Variants in GRAMD2A observed in about 807,000 individuals in gnomAD.
GRAMD2A encodes GRAM domain containing 2A.
GRAMD2A carries 37 observed loss-of-function variants against 51.1 expected under a neutral mutation model. The observed-to-expected ratio is 0.72, with a 90% CI of 0.56 to 0.95. The LOEUF (loss-of-function observed/expected upper bound fraction) is 0.95, where lower values mean the gene tolerates loss of function less well. Ranked by LOEUF, GRAMD2A falls within the 40% of genes least tolerant of loss-of-function variation. GRAMD2A has a pLI of 0.00. For synonymous variants in GRAMD2A, 136 were observed against 157.1 expected, an observed-to-expected ratio of 0.87 and a Z score of 1.01; for missense variants, 414 against 426.9, an observed-to-expected ratio of 0.97 and a Z score of 0.27.
At chr15:72,175,450 G>T (rs748356724) in intron 1 of GRAMD2A, among the ~76,000 whole-genome samples, 1 of 152,090 alleles carries the variant, frequency 6.6e-6, no homozygotes, top group Non-Finnish European at 1.5e-5. Context: ...CAGCCTCATC[G>T]CCCGTCATTC....
At chr15:72,190,362 G>C (rs1332847233) in intron 1 of GRAMD2A, among the ~76,000 whole-genome samples, 1 of 152,108 alleles carries the variant, frequency 6.6e-6, no homozygotes, top group Non-Finnish European at 1.5e-5. Context: ...CTGGGCGACA[G>C]AGTGAGATTC....
intron 1 of GRAMD2A, among the ~76,000 whole-genome samples, chr15:72,185,594 A>G (rs956288174): frequency 2.6e-5 from 4 of 152,270 alleles, no homozygotes; most frequent in African/African-American, 9.6e-5. Context: ...GAGCAAGAAA[A>G]TTTTGAAAAA....
intron 1 of GRAMD2A, among the ~76,000 whole-genome samples, chr15:72,174,183 A>G (rs973646634): frequency 3.3e-5 from 5 of 152,156 alleles, no homozygotes; most frequent in Non-Finnish European, 7.4e-5. Flanking sequence ...ACGAATGAAA[A>G]TAAAGAAATG....
chr15:72,180,175 T>C (rs947677978), intron 1 of GRAMD2A, among the ~76,000 whole-genome samples: 2 of 152,180 alleles, frequency 1.3e-5, no homozygotes, highest in Non-Finnish European at 2.9e-5. Context: ...GCTTTCCTCC[T>C]GGGGATATCC....
chr15:72,165,263 C>T, intron 8 of GRAMD2A, 91 bp downstream of exon 8: 1 of 1,156,152 alleles, frequency 8.6e-7, no homozygotes, highest in Non-Finnish European at 1.3e-6. Flanking sequence ...TGCCCCAGTT[C>T]TGCATTGTGG....
intron 1 of GRAMD2A, among the ~76,000 whole-genome samples, chr15:72,171,824 C>G (rs2081612408): frequency 7.1e-6 from 1 of 140,942 alleles, no homozygotes; most frequent in Non-Finnish European, 1.5e-5. Context: ...TAAATTTTTT[C>G]TGGCTTTTTT....
At chr15:72,190,409 T>C (rs145665028) in intron 1 of GRAMD2A, among the ~76,000 whole-genome samples, 3,342 of 152,130 alleles carry the variant, frequency 0.022, 83 homozygotes, top group Admixed American at 0.071. Context: ...AATACCTAAA[T>C]GGACCACCTT....
At chr15:72,164,685 G>C (rs776024992) in intron 8 of GRAMD2A, among the ~76,000 whole-genome samples, 1 of 152,014 alleles carries the variant, frequency 6.6e-6, no homozygotes, top group African/African-American at 2.4e-5. Flanking sequence ...GATTACAGGC[G>C]TGAGCCACCA....
At chr15:72,176,854 CTTTT>C (rs60618044) in intron 1 of GRAMD2A, among the ~76,000 whole-genome samples, 2 of 72,166 alleles carry the variant, frequency 2.8e-5, no homozygotes, top group Non-Finnish European at 5.3e-5. Context: ...ACCTGCAGTG[CTTTT>C]TTTTTTTTTT....
rs771141534 is a variant in GRAMD2A, at chr15:72,169,900, A to T, written c.81T>A (p.Ser27Arg). ...QMHRKTASLNSPVSCKEKPDR... is the reference protein window; with the variant it reads ...QMHRKTASLNRPVSCKEKPDR... The stretch of plus-strand genomic sequence containing the variant: ...CTGGTTTCTCTTTGCAGGACACAGG[A>T]CTGTTCAGAGAAGCTGTCTTTCTGT... Residue 27 changes from serine to arginine, a missense_variant, in exon 2 of 12, where the codon AGT becomes AGA. Physicochemically the swap from Ser to Arg is moderately radical, Grantham distance 110. Transcript: ENST00000309731. 3.1e-5 allele frequency: 50 copies of T among 1,614,020 alleles called. No individual in the cohort carries two copies. In the South Asian group the frequency reaches 4.9e-4, roughly 16 times the overall value.
In GRAMD2A at chr15:72,161,784, T is replaced by C; in HGVS notation, c.*225A>G. The C allele has an allele frequency of 1.8e-6, 1 of 547,442 alleles. No individual in the cohort carries two copies. The highest frequency in any genetic ancestry group is 2.2e-5 in the South Asian group (1 of 45,540). 33.9% of individuals were successfully genotyped at this position (547,442 alleles called of 1,614,324 possible). ...GTTGGTTCCAAAAAATCTGGCTTTTTGCTTGAGTCCAAAAATTGTAGAAGC... is the reference window on the plus strand; with the variant it reads ...GTTGGTTCCAAAAAATCTGGCTTTTCGCTTGAGTCCAAAAATTGTAGAAGC... On this transcript the variant is annotated 3_prime_UTR_variant, in exon 12 of 12. Coordinates refer to ENST00000309731, the MANE Select transcript of GRAMD2A (RefSeq NM_001012642.3).
At chr15:72,167,375 C>T (rs975226391) in intron 5 of GRAMD2A, among the ~76,000 whole-genome samples, 4 of 152,254 alleles carry the variant, frequency 2.6e-5, no homozygotes, top group Non-Finnish European at 4.4e-5. Flanking sequence ...AAATCTCATA[C>T]TCTAGTAATG....
At chr15:72,182,577 C>A (rs1235844818) in intron 1 of GRAMD2A, among the ~76,000 whole-genome samples, 1 of 152,020 alleles carries the variant, frequency 6.6e-6, no homozygotes, top group African/African-American at 2.4e-5. Context: ...AAAAGACAAT[C>A]CACAGAATGG....
At chr15:72,172,402 A>G (rs1357484897) in intron 1 of GRAMD2A, among the ~76,000 whole-genome samples, 1 of 147,922 alleles carries the variant, frequency 6.8e-6, no homozygotes, top group Non-Finnish European at 1.5e-5. Context: ...TACAGGTGTG[A>G]GCCACCATGC....
chr15:72,171,842 T>A lies in GRAMD2A; in HGVS notation c.42-1903A>T, dbSNP rs543781501. Among the ~76,000 whole-genome samples, 820 of 151,840 alleles carry A rather than the reference T, an allele frequency of 5.4e-3. 8 individuals are homozygous for A. Among genetic ancestry groups the A allele is most frequent in the African/African-American group, 0.018 (766 of 41,438 alleles). ...ATTTTTTCTGGCTTTTTTATTTTTT[T>A]TTTTTGAGATGGAGTCTCTCTCTGT... On this transcript the variant is annotated intron_variant, in intron 1 of 11. Transcript: ENST00000309731.
chr15:72,184,646 C>A (rs1057293409), intron 1 of GRAMD2A, among the ~76,000 whole-genome samples: 2 of 152,216 alleles, frequency 1.3e-5, no homozygotes, highest in Non-Finnish European at 2.9e-5. Context: ...AGATTCCTGA[C>A]CAATGACCTC....
intron 1 of GRAMD2A, among the ~76,000 whole-genome samples, chr15:72,191,410 C>G (rs1204839294): frequency 2.0e-5 from 3 of 152,092 alleles, no homozygotes; most frequent in Non-Finnish European, 1.5e-5. Flanking sequence ...ACCATGTTGG[C>G]CAGGCTGGTC....
At chr15:72,173,541 C>T (rs990795226) in intron 1 of GRAMD2A, 2 of 152,216 alleles carry the variant, frequency 1.3e-5, no homozygotes, top group Admixed American at 6.5e-5. Flanking sequence ...GAGCATGCAG[C>T]AGGCGCTCAC....
chr15:72,193,947 C>T (rs543478662), intron 1 of GRAMD2A, among the ~76,000 whole-genome samples: 21 of 152,358 alleles, frequency 1.4e-4, no homozygotes, highest in Admixed American at 8.5e-4. Context: ...TGCCGGAGCA[C>T]GCAGGTGCAC....
Sources: allele counts gnomAD v4.1 joint callset (sites outside exome capture counted in the v4.1 genomes callset), GRCh38; gene constraint gnomAD v4.1.1; transcripts MANE v1.5; gene names NCBI Gene and HGNC (gene_info 2026-07-23, HGNC 2026-07-21).